Variants in EPHA3 observed in about 807,000 individuals in gnomAD.
EPHA3 encodes the protein EPH receptor A3.
EPHA3 carries 42 observed loss-of-function variants against 107.1 expected under a neutral mutation model. The observed-to-expected ratio is 0.39, with a 90% CI of 0.31 to 0.51. The LOEUF (loss-of-function observed/expected upper bound fraction) is 0.51, where lower values mean the gene tolerates loss of function less well. Ranked by LOEUF, EPHA3 falls within the 20% of genes least tolerant of loss-of-function variation. The probability of loss-of-function intolerance (pLI) is 0.78; values close to 1 mark genes in which losing one functional copy is unlikely to be tolerated. For missense variants in EPHA3, 1,183 were observed against 1,211.2 expected (o/e 0.98, Z 0.35); for synonymous variants, 461 against 424.8 (o/e 1.09, Z -1.05).
At chr3:89,179,667 T>TA (rs11391439) in intron 2 of EPHA3, among the ~76,000 whole-genome samples, 113,736 of 143,642 alleles carry the variant, frequency 0.79, 44,690 homozygotes, top group Admixed American at 0.85. Flanking sequence ...TTAAAGTCTG[T>TA]AAAAAAAAAA....
intron 3 of EPHA3, among the ~76,000 whole-genome samples, chr3:89,226,520 C>G (rs1227776743): frequency 6.6e-6 from 1 of 152,080 alleles, no homozygotes; most frequent in African/African-American, 2.4e-5. Flanking sequence ...TTTCACTAAA[C>G]AGTGTACAAT....
chr3:89,135,372 G>C (rs927826601), intron 2 of EPHA3, among the ~76,000 whole-genome samples: 2 of 152,154 alleles, frequency 1.3e-5, no homozygotes, highest in African/African-American at 4.8e-5. Context: ...ACTGCAAGCT[G>C]TGTGAGGCCA....
intron 5 of EPHA3, among the ~76,000 whole-genome samples, chr3:89,366,601 T>C (rs1440450824): frequency 6.6e-6 from 1 of 150,656 alleles, no homozygotes; most frequent in Non-Finnish European, 1.5e-5. Context: ...GAGCATGGAA[T>C]TTAATTTTAA....
At chr3:89,387,356 G>C (rs551830239) in intron 5 of EPHA3, among the ~76,000 whole-genome samples, 1 of 152,104 alleles carries the variant, frequency 6.6e-6, no homozygotes, top group East Asian at 1.9e-4. Context: ...AGTTTTGTAA[G>C]GGCTTCCCTG....
At chr3:89,345,455 T>C (rs1398913263) in intron 5 of EPHA3, among the ~76,000 whole-genome samples, 1 of 151,230 alleles carries the variant, frequency 6.6e-6, no homozygotes, top group Non-Finnish European at 1.5e-5. Context: ...TATGCCTATA[T>C]ACCTTCACCC....
chr3:89,332,863 G>A (rs570647512), intron 3 of EPHA3, among the ~76,000 whole-genome samples: 1 of 152,178 alleles, frequency 6.6e-6, no homozygotes, highest in Non-Finnish European at 1.5e-5. Flanking sequence ...TTAATTTAAA[G>A]TCAATTCAAA....
intron 11 of EPHA3, among the ~76,000 whole-genome samples, chr3:89,425,151 A>T (rs1309285837): frequency 2.0e-5 from 3 of 151,392 alleles, no homozygotes; most frequent in Non-Finnish European, 4.4e-5. Context: ...TGTCTTGATT[A>T]AAATGGAATT....
At chr3:89,288,234 A>G (rs951420061) in intron 3 of EPHA3, among the ~76,000 whole-genome samples, 1 of 152,150 alleles carries the variant, frequency 6.6e-6, no homozygotes, top group African/African-American at 2.4e-5. Context: ...TAGAGTACAT[A>G]TGAATTTTTA....
At chr3:89,142,900 G>A (rs1704461913) in intron 2 of EPHA3, among the ~76,000 whole-genome samples, 1 of 151,328 alleles carries the variant, frequency 6.6e-6, no homozygotes, top group African/African-American at 2.4e-5. Context: ...GCTAAATGAA[G>A]ATTATGTTCA....
At chr3:89,277,627 T>C (rs73846115) in intron 3 of EPHA3, among the ~76,000 whole-genome samples, 5,207 of 152,178 alleles carry the variant, frequency 0.034, 303 homozygotes, top group African/African-American at 0.12. Context: ...GTTTTATAGG[T>C]TTATAATTCA....
intron 10 of EPHA3, among the ~76,000 whole-genome samples, chr3:89,416,867 A>G (rs972656700): frequency 8.6e-5 from 13 of 151,480 alleles, no homozygotes; most frequent in African/African-American, 2.9e-4. Flanking sequence ...CCTACTTTTC[A>G]TATCTCTAGT....
intron 2 of EPHA3, among the ~76,000 whole-genome samples, chr3:89,149,507 T>C (rs1704642974): frequency 6.6e-6 from 1 of 152,038 alleles, no homozygotes; most frequent in Non-Finnish European, 1.5e-5. Context: ...TATTATACTT[T>C]AAGTTTTAGG....
In EPHA3 at chr3:89,184,068, G is replaced by A. The variant is rs145763696; in HGVS notation, c.154-25792G>A. On this transcript the variant is annotated intron_variant, in intron 2 of 16. Transcript: ENST00000336596. ...ATATATTCACATGATTCGGAGCAGTGTTTGGAATTTTCAAGATGTTGGTAT... is the reference window on the plus strand; with the variant it reads ...ATATATTCACATGATTCGGAGCAGTATTTGGAATTTTCAAGATGTTGGTAT... 2.0e-3 allele frequency among the ~76,000 whole-genome samples: 298 copies of A among 151,918 alleles called. 1 individual carries two copies. The highest frequency in any genetic ancestry group is 6.6e-3 in the African/African-American group (274 of 41,496).
intron 5 of EPHA3, among the ~76,000 whole-genome samples, chr3:89,345,289 C>A (rs1167641845): frequency 6.6e-6 from 1 of 151,198 alleles, no homozygotes; most frequent in Non-Finnish European, 1.5e-5. Flanking sequence ...ATCTGAGAAG[C>A]TTTTTCAACA....
At chr3:89,373,964 C>T (rs890118314) in intron 5 of EPHA3, among the ~76,000 whole-genome samples, 1 of 151,664 alleles carries the variant, frequency 6.6e-6, no homozygotes, top group African/African-American at 2.4e-5. Flanking sequence ...GAGATAGGTG[C>T]TATTCAATAC....
At chr3:89,324,216 G>C (rs1707111963) in intron 3 of EPHA3, among the ~76,000 whole-genome samples, 1 of 147,688 alleles carries the variant, frequency 6.8e-6, no homozygotes, top group Admixed American at 6.8e-5. Context: ...CACCCAGGCT[G>C]GAGTACAGTG....
intron 7 of EPHA3, among the ~76,000 whole-genome samples, chr3:89,400,634 A>AGT (rs1289909331): frequency 1.5e-4 from 21 of 143,122 alleles, no homozygotes; most frequent in African/African-American, 5.2e-4. Context: ...TGTGTGTGTG[A>AGT]GCGTGTGTGT....
At chr3:89,168,699 TATG>T (rs936347342) in intron 2 of EPHA3, among the ~76,000 whole-genome samples, 3 of 152,050 alleles carry the variant, frequency 2.0e-5, no homozygotes, top group African/African-American at 7.2e-5. Flanking sequence ...AAATTTTTCA[TATG>T]ATAATTAGTA....
At chr3:89,372,639 C>T (rs542111869) in intron 5 of EPHA3, among the ~76,000 whole-genome samples, 3 of 151,744 alleles carry the variant, frequency 2.0e-5, no homozygotes, top group South Asian at 2.1e-4. Flanking sequence ...AAAATTTGTT[C>T]GACAAATGTG....
Sources: allele counts gnomAD v4.1 joint callset (sites outside exome capture counted in the v4.1 genomes callset), GRCh38; gene constraint gnomAD v4.1.1; transcripts MANE v1.5; gene names NCBI Gene and HGNC (gene_info 2026-07-23, HGNC 2026-07-21).